The following EPHX2 variants were observed in gnomAD, a reference collection of about 807,000 sequenced individuals.
The protein encoded by EPHX2 is bifunctional epoxide hydrolase 2.
A neutral mutation model predicts 78.7 loss-of-function variants in EPHX2; 74 were observed. That is an observed-to-expected ratio of 0.94 (90% confidence interval 0.78 to 1.14). EPHX2 has a LOEUF of 1.14. Ranked by LOEUF, EPHX2 falls within the 50% of genes most tolerant of loss-of-function variation. The pLI is 0.00. For synonymous variants in EPHX2, 251 were observed against 255.2 expected, an observed-to-expected ratio of 0.98 and a Z score of 0.16; for missense variants, 715 against 702.5, an observed-to-expected ratio of 1.02 and a Z score of -0.20.
At chr8:27,508,685 A>G (rs976884157) in intron 5 of EPHX2, among the ~76,000 whole-genome samples, 2 of 152,228 alleles carry the variant, frequency 1.3e-5, no homozygotes, top group African/African-American at 4.8e-5. Context: ...AGAAGGAAAA[A>G]TGAACATCAT....
chr8:27,501,963 A>G (rs143837577), intron 2 of EPHX2, among the ~76,000 whole-genome samples: 7 of 152,304 alleles, frequency 4.6e-5, no homozygotes, highest in African/African-American at 1.7e-4. Flanking sequence ...TCATGTGTAT[A>G]TACTATACAG....
downstream of EPHX2, among the ~76,000 whole-genome samples, chr8:27,545,904 G>T (rs1451191045): frequency 1.3e-5 from 2 of 152,082 alleles, no homozygotes; most frequent in African/African-American, 2.4e-5. Context: ...AGTGCACCTG[G>T]AGTCTTCCAT....
At position 27,492,019 on chromosome 8, in the gene EPHX2, G is replaced by A. The variant is rs148177482; in HGVS notation, c.101+710G>A. Among the ~76,000 whole-genome samples, 427 of 151,782 alleles carry A rather than the reference G, an allele frequency of 2.8e-3. 5 individuals carry two copies. The highest frequency in any genetic ancestry group is 0.026 in the South Asian group (124 of 4,804). ...ATGTATTATTCCCACATTCAGAAAGGAGAGAAGTATACTTATTTATAAAGT... is the reference window on the plus strand; with the variant it reads ...ATGTATTATTCCCACATTCAGAAAGAAGAGAAGTATACTTATTTATAAAGT... On this transcript the variant is annotated intron_variant, in intron 1 of 18. Coordinates refer to ENST00000521400, the MANE Select transcript of EPHX2 (RefSeq NM_001979.6).
At chr8:27,532,573 C>T (rs766636024) in intron 12 of EPHX2, among the ~76,000 whole-genome samples, 1 of 152,096 alleles carries the variant, frequency 6.6e-6, no homozygotes, top group Non-Finnish European at 1.5e-5. Context: ...TGGGGGCTCC[C>T]GAGAGAGAGT....
At chr8:27,504,925 C>T (rs749040190) in intron 3 of EPHX2, 31 bp from the exon 4 acceptor site, 1 of 1,611,320 alleles carries the variant, frequency 6.2e-7, no homozygotes, top group Admixed American at 1.7e-5. Flanking sequence ...AGGTCTGTAG[C>T]TGGTCTATCT....
intron 12 of EPHX2, among the ~76,000 whole-genome samples, chr8:27,526,394 T>TACTACAGGGAGGCCTGGGCC (rs1814847993): frequency 6.6e-6 from 1 of 152,238 alleles, no homozygotes; most frequent in African/African-American, 2.4e-5. Flanking sequence ...GCATCCCACA[T>TACTACAGGGAGGCCTGGGCC]ACTACAGGGA....
intron 1 of EPHX2, among the ~76,000 whole-genome samples, chr8:27,493,479 T>A (rs1190812275): frequency 2.0e-5 from 3 of 152,222 alleles, no homozygotes; most frequent in African/African-American, 7.2e-5. Context: ...GCAAACTGTC[T>A]GAGAAATCCT....
chr8:27,528,234 T>C (rs1279511564), intron 12 of EPHX2, among the ~76,000 whole-genome samples: 1 of 152,214 alleles, frequency 6.6e-6, no homozygotes, highest in Non-Finnish European at 1.5e-5. Context: ...GGGTTTAAAA[T>C]CTGCAGTGAG....
chr8:27,522,292 G>T, intron 10 of EPHX2, 131 bp from the exon 11 acceptor site: 1 of 720,226 alleles, frequency 1.4e-6, no homozygotes, highest in Non-Finnish European at 2.3e-6. Flanking sequence ...CTTGAAGGGT[G>T]GGCATTTGGA....
rs1452163905 is a variant in EPHX2, at chr8:27,505,162, CT to C, written c.537+18del. The C allele has an allele frequency of 6.2e-7, 1 of 1,613,034 alleles. No homozygotes were observed. Among genetic ancestry groups the C allele is most frequent in the Non-Finnish European group, 8.5e-7 (1 of 1,179,494 alleles). On this transcript the variant is annotated intron_variant, in intron 4 of 18. Transcript: ENST00000521400. ...CCCCAGTGAGGTACGGAGACACTTC[CT>C]TATGGCAGAGAAGGATGTTCAGAGA...
intron 9 of EPHX2, among the ~76,000 whole-genome samples, chr8:27,520,151 CT>C (rs973160917): frequency 7.4e-5 from 11 of 149,618 alleles, no homozygotes; most frequent in East Asian, 3.9e-4. Flanking sequence ...CTAATCTCTC[CT>C]TTTTTTTTAA....
chr8:27,502,847 C>T lies in EPHX2; in HGVS notation c.187-757C>T, dbSNP rs377550153. 9.8e-5 allele frequency among the ~76,000 whole-genome samples: 15 copies of T among 152,312 alleles called. No individual in the cohort carries two copies. The East Asian group carries it at 2.1e-3, about 22-fold the overall frequency. ...AAGGCCTGATTTCCAAATATAGTCACATCATGAGACTCTGGGGGCTAGGAC... is the reference window on the plus strand; with the variant it reads ...AAGGCCTGATTTCCAAATATAGTCATATCATGAGACTCTGGGGGCTAGGAC... On this transcript the variant is annotated intron_variant, in intron 2 of 18. Transcript: ENST00000521400.
intron 16 of EPHX2, among the ~76,000 whole-genome samples, chr8:27,542,597 C>T (rs989887175): frequency 3.9e-5 from 6 of 152,104 alleles, no homozygotes; most frequent in East Asian, 3.8e-4. Context: ...TTGACAAAGG[C>T]GCTGGGAAGG....
At chr8:27,496,742 A>G (rs1235839517) in intron 1 of EPHX2, among the ~76,000 whole-genome samples, 1 of 152,192 alleles carries the variant, frequency 6.6e-6, no homozygotes, top group African/African-American at 2.4e-5. Flanking sequence ...CTTAAGGGAT[A>G]TTGCCTTTGA....
intron 14 of EPHX2, among the ~76,000 whole-genome samples, chr8:27,539,789 C>T (rs1815336181): frequency 6.6e-6 from 1 of 152,206 alleles, no homozygotes; most frequent in Admixed American, 6.5e-5. Context: ...TGGGGAGGCT[C>T]AGGGTGGCTT....
chr8:27,510,836 C>T (rs1258401371), intron 5 of EPHX2, among the ~76,000 whole-genome samples: 1 of 151,986 alleles, frequency 6.6e-6, no homozygotes, highest in Non-Finnish European at 1.5e-5. Context: ...ATAGTCCCAG[C>T]TACTTAGGAG....
intron 11 of EPHX2, among the ~76,000 whole-genome samples, chr8:27,523,660 T>A (rs1814726038): frequency 6.6e-6 from 1 of 152,202 alleles, no homozygotes. Flanking sequence ...TCCTAAAATA[T>A]TGTTAAAGTT....
At chr8:27,533,836 C>T (rs965191093) in intron 12 of EPHX2, among the ~76,000 whole-genome samples, 5 of 152,172 alleles carry the variant, frequency 3.3e-5, no homozygotes, top group Middle Eastern at 3.2e-3. Flanking sequence ...AGTCCTCCTG[C>T]CTGGACCTCC....
rs867877758 is a variant in EPHX2, at chr8:27,515,821, A to C, written c.831+8A>C. 1 of 1,613,032 alleles carries C rather than the reference A, an allele frequency of 6.2e-7. No homozygotes were observed. The highest frequency in any genetic ancestry group is 1.1e-5 in the South Asian group (1 of 91,048). ...TATTCTTGGAGGTACCAGGTGAGAA[A>C]GCTGGGGAAGATGCAGCCAGTCAGG... On this transcript the variant is annotated splice_region_variant and intron_variant, in intron 7 of 18. Coordinates refer to ENST00000521400, the MANE Select transcript of EPHX2 (RefSeq NM_001979.6).
Sources: gnomAD v4.1 joint callset for allele counts (sites outside exome capture counted in the v4.1 genomes callset) on GRCh38, gnomAD v4.1.1 for gene constraint, MANE v1.5 for transcripts, NCBI Gene and HGNC (gene_info 2026-07-23, HGNC 2026-07-21) for gene names.